OCA2: variants seen among roughly 807,000 people sequenced by gnomAD.
OCA2 encodes P protein.
In OCA2, 77 loss-of-function variants were observed where a neutral mutation model predicts 100.2. The ratio of observed to expected loss-of-function variants is 0.77; its 90% CI spans 0.64 to 0.93. The LOEUF is 0.93. Ranked by LOEUF, OCA2 falls within the 40% of genes least tolerant of loss-of-function variation. The pLI is 0.00. For missense variants in OCA2, 1,062 were observed against 1,089.1 expected, an observed-to-expected ratio of 0.98 and a Z score of 0.35; for synonymous variants, 432 against 439.2, an observed-to-expected ratio of 0.98 and a Z score of 0.21.
intron 23 of OCA2, among the ~76,000 whole-genome samples, chr15:27,829,292 GATAGATAGAT>G (rs1172767942): frequency 1.3e-4 from 12 of 90,620 alleles, no homozygotes; most frequent in African/African-American, 7.5e-4. Flanking sequence ...TAGATAGATA[GATAGATAGAT>G]AGATAGATAG....
At chr15:28,042,828 A>T (rs2141480151) in intron 2 of OCA2, among the ~76,000 whole-genome samples, 1 of 152,286 alleles carries the variant, frequency 6.6e-6, no homozygotes, top group African/African-American at 2.4e-5. Context: ...CAGTCTTTAC[A>T]AGTGAAAAGT....
chr15:27,872,318 T>A (rs1396360924), intron 19 of OCA2, among the ~76,000 whole-genome samples: 1 of 152,266 alleles, frequency 6.6e-6, no homozygotes, highest in African/African-American at 2.4e-5. Flanking sequence ...CACAGAGTTT[T>A]AAAAGACATT....
chr15:28,010,208 A>C (rs2042202875), intron 9 of OCA2, among the ~76,000 whole-genome samples: 1 of 152,182 alleles, frequency 6.6e-6, no homozygotes, highest in African/African-American at 2.4e-5. Flanking sequence ...ACACAACAAA[A>C]AACCCCTCTT....
At chr15:28,013,051 T>C (rs567147964) in intron 9 of OCA2, among the ~76,000 whole-genome samples, 2 of 152,192 alleles carry the variant, frequency 1.3e-5, no homozygotes, top group Non-Finnish European at 2.9e-5. Flanking sequence ...GCTGGGCACC[T>C]TTCTCCACCA....
chr15:27,736,897 A>C, the OCA2 span, among the ~76,000 whole-genome samples: 53 of 152,316 alleles, frequency 3.5e-4, no homozygotes, highest in African/African-American at 1.3e-3. Context: ...AAAAAAAGAA[A>C]CTTAAAATGC....
At chr15:27,768,002 G>A (rs996257499) in intron 23 of OCA2, among the ~76,000 whole-genome samples, 2 of 152,346 alleles carry the variant, frequency 1.3e-5, no homozygotes, top group Admixed American at 1.3e-4. Flanking sequence ...GAGGAAGGGG[G>A]AATAGTGTAC....
chr15:27,876,998 T>C (rs1295516269), intron 19 of OCA2, among the ~76,000 whole-genome samples: 1 of 151,946 alleles, frequency 6.6e-6, no homozygotes, highest in Non-Finnish European at 1.5e-5. Flanking sequence ...TTTAGATCTT[T>C]CTTATTTTCT....
chr15:27,777,986 GA>G (rs144810505), intron 23 of OCA2, among the ~76,000 whole-genome samples: 2,041 of 152,294 alleles, frequency 0.013, 24 homozygotes, highest in South Asian at 0.057. Context: ...AGCCTGTGAT[GA>G]ACCACATTCT....
At chr15:27,994,589 T>C (rs2077596) in intron 9 of OCA2, among the ~76,000 whole-genome samples, 91,318 of 151,808 alleles carry the variant, frequency 0.6, 31,636 homozygotes, top group Non-Finnish European at 0.79. Flanking sequence ...TCTGTGCCTA[T>C]GAGTTTCTTT....
Position 27,926,176 on chromosome 15 carries a change from A to G in OCA2, c.2030T>C (p.Val677Ala), listed in dbSNP as rs2140371787. The G allele has an allele frequency of 1.2e-6, 2 of 1,614,158 alleles. No homozygotes were observed. The highest frequency in any genetic ancestry group is 1.7e-6 in the Non-Finnish European group (2 of 1,179,988). The change falls in exon 19 of 24, where the codon GTG (valine) becomes GCG (alanine). Residue 677 changes from valine to alanine, a missense_variant. By Grantham distance (64) the Val-to-Ala change is moderately conservative. Coordinates refer to ENST00000354638, the MANE Select transcript of OCA2 (RefSeq NM_000275.3). The stretch of plus-strand genomic sequence containing the variant: ...AAAAAACAGAAGGGTTGCCCATTCC[A>G]CTCTGTGTAGAATTATCTCAAAATC... ...IHDFEIILHR[V>A]EWATLLFFAA...
intron 23 of OCA2, among the ~76,000 whole-genome samples, chr15:27,758,051 G>A (rs1202534734): frequency 6.6e-6 from 1 of 152,198 alleles, no homozygotes; most frequent in Non-Finnish European, 1.5e-5. Flanking sequence ...ACTAAGCAGA[G>A]CTAAAAGCTT....
In OCA2 at chr15:27,926,247, A is replaced by C; in HGVS notation, c.1959T>G (p.Ile653Met). 6.2e-7 allele frequency: 1 copy of C among 1,614,030 alleles called. No individual in the cohort carries two copies. Among genetic ancestry groups the C allele is most frequent in the Non-Finnish European group, 8.5e-7 (1 of 1,179,886 alleles). The part of the protein sequence containing the change: ...VPGIHLDLGW[I>M]AILGAIWLLI... ...GCAACCAGATGGCACCCAGAATAGC[A>C]ATCCATCCTGAAAATAAGTAAATAG... is the stretch of plus-strand genomic sequence containing the variant. The change falls in exon 19 of 24, where the codon ATT becomes ATG. Residue 653 changes from isoleucine to methionine, a missense_variant. Ile to Met is a conservative substitution (Grantham distance 10). Coordinates refer to ENST00000354638, the MANE Select transcript of OCA2 (RefSeq NM_000275.3).
chr15:27,933,515 T>C (rs982963117), intron 18 of OCA2, among the ~76,000 whole-genome samples: 2 of 152,138 alleles, frequency 1.3e-5, no homozygotes, highest in Admixed American at 6.5e-5. Flanking sequence ...GTGTGAGCAA[T>C]AAAGCTTTTT....
intron 23 of OCA2, 123 bp downstream of exon 23, chr15:27,844,836 C>G: frequency 1.3e-6 from 1 of 767,962 alleles, no homozygotes; most frequent in Non-Finnish European, 2.3e-6. Context: ...ATCTCCCCTA[C>G]ACCACAGTCT....
intron 16 of OCA2, 144 bp from the exon 17 acceptor site, chr15:27,955,359 G>A (rs1188218308): frequency 2.8e-6 from 2 of 721,270 alleles, no homozygotes; most frequent in East Asian, 2.5e-5. Context: ...GGGGCCGGTG[G>A]GGCTTCATTT....
intron 19 of OCA2, among the ~76,000 whole-genome samples, chr15:27,898,064 T>G (rs1022190143): frequency 2.0e-5 from 3 of 152,288 alleles, no homozygotes; most frequent in African/African-American, 7.2e-5. Context: ...GTACCCCCAT[T>G]ATATCTAGGA....
In OCA2 at chr15:28,027,979, C is replaced by T. The variant is rs35764631; in HGVS notation, c.407G>A (p.Arg136Gln). The change falls in exon 4 of 24, where the codon CGA becomes CAA. Residue 136 changes from arginine to glutamine, a missense_variant. Physicochemically the swap from Arg to Gln is conservative, Grantham distance 43. Coordinates refer to ENST00000354638, the MANE Select transcript of OCA2 (RefSeq NM_000275.3). ...SWEDSSADWE[R>Q]RYLLSREVSG... ...CACCTCCCTGCTTAGCAGGTATCTT[C>T]GCTCCCAGTCAGCAGAGCTGTCTTC... 3.6e-5 allele frequency: 58 copies of T among 1,614,196 alleles called. No homozygotes were observed. Among genetic ancestry groups the T allele is most frequent in the African/African-American group, 2.9e-4 (22 of 75,066 alleles).
intron 1 of OCA2, among the ~76,000 whole-genome samples, chr15:28,083,321 C>T (rs1026759027): frequency 6.6e-6 from 1 of 152,186 alleles, no homozygotes; most frequent in Non-Finnish European, 1.5e-5. Context: ...AAAAACATGA[C>T]ATTCGAAGAA....
chr15:28,001,066 A>AT (rs1320055605), intron 9 of OCA2, among the ~76,000 whole-genome samples: 2 of 152,190 alleles, frequency 1.3e-5, no homozygotes, highest in Admixed American at 1.3e-4. Flanking sequence ...AAACTTAAAA[A>AT]TAGATCTACC....
Sources: gnomAD v4.1 joint callset for allele counts (sites outside exome capture counted in the v4.1 genomes callset) on GRCh38, gnomAD v4.1.1 for gene constraint, MANE v1.5 for transcripts, NCBI Gene and HGNC (gene_info 2026-07-23, HGNC 2026-07-21) for gene names.